The following MACROD2 variants were observed in gnomAD, a reference collection of about 807,000 sequenced individuals.
The protein encoded by MACROD2 is mono-ADP ribosylhydrolase 2, also known as ADP-ribose glycohydrolase MACROD2.
In MACROD2, 36 loss-of-function variants were observed where a neutral mutation model predicts 70.4. The ratio of observed to expected loss-of-function variants is 0.51; its 90% CI spans 0.39 to 0.68. MACROD2 has a LOEUF of 0.68. MACROD2 is among the 30% of genes least tolerant of loss of function. MACROD2 has a pLI of 0.00. For synonymous variants in MACROD2, 172 were observed against 178.8 expected (o/e 0.96, Z 0.30); for missense variants, 496 against 538.4 (o/e 0.92, Z 0.78).
rs897007173 is a variant in MACROD2, at chr20:14,380,869, C to T, written c.272-112610C>T. On this transcript the variant is annotated intron_variant, in intron 3 of 17. Coordinates refer to ENST00000684519, the MANE Select transcript of MACROD2 (RefSeq NM_001351661.2). ...ACTCCAACCTTGTTCTTTTTCAAAA[C>T]TGTTTTTCCTATTCAGGGCTCTTTT... 4.5e-4 allele frequency among the ~76,000 whole-genome samples: 68 copies of T among 152,118 alleles called. 4 individuals carry two copies. The highest frequency in any genetic ancestry group is 4.8e-5 in the African/African-American group (2 of 41,440).
At chr20:14,555,783 G>A (rs1055475930) in intron 4 of MACROD2, among the ~76,000 whole-genome samples, 6 of 151,986 alleles carry the variant, frequency 3.9e-5, no homozygotes, top group Non-Finnish European at 7.4e-5. Context: ...CTGTAAAGGC[G>A]CAAATGAAAA....
intron 5 of MACROD2, among the ~76,000 whole-genome samples, chr20:14,862,950 A>G (rs1442170574): frequency 1.3e-5 from 2 of 151,400 alleles, no homozygotes; most frequent in Non-Finnish European, 2.9e-5. Flanking sequence ...GCTGATGTGG[A>G]TGCCACGGCT....
chr20:16,008,263 C>T (rs1007357533), intron 15 of MACROD2, among the ~76,000 whole-genome samples: 2 of 152,170 alleles, frequency 1.3e-5, no homozygotes, highest in South Asian at 2.1e-4. Flanking sequence ...CTATTCCAAA[C>T]GTCTCTCACG....
rs1342120006 is a variant in MACROD2, at chr20:14,667,699, C to G, written c.302-17144C>G. Among the ~76,000 whole-genome samples, 3 of 152,116 alleles carry G rather than the reference C, an allele frequency of 2.0e-5. No individual in the cohort carries two copies. The South Asian group carries it at 6.2e-4, about 32-fold the overall frequency. ...ACATTTCGATGAGCTGCAGGATTAT[C>G]CAAGCCATAGCTTTATCCTCTCTGA... On this transcript the variant is annotated intron_variant, in intron 4 of 17. Transcript: ENST00000684519.
chr20:14,422,263 C>T (rs1256671953), intron 3 of MACROD2, among the ~76,000 whole-genome samples: 1 of 152,144 alleles, frequency 6.6e-6, no homozygotes, highest in Non-Finnish European at 1.5e-5. Flanking sequence ...TCATTTTCCA[C>T]CTATCAGCCT....
intron 6 of MACROD2, among the ~76,000 whole-genome samples, chr20:15,316,090 T>C (rs906585930): frequency 1.7e-5 from 2 of 118,688 alleles, no homozygotes; most frequent in African/African-American, 6.3e-5. Flanking sequence ...GAAGAAGTAA[T>C]AATGGCACAC....
chr20:15,262,904 A>C (rs1014532740), intron 6 of MACROD2, among the ~76,000 whole-genome samples: 2 of 151,822 alleles, frequency 1.3e-5, no homozygotes, highest in Non-Finnish European at 2.9e-5. Context: ...TTTTCTCTAT[A>C]GTGTTGTTTG....
At chr20:15,206,335 C>A (rs2076701837) in intron 5 of MACROD2, among the ~76,000 whole-genome samples, 1 of 152,080 alleles carries the variant, frequency 6.6e-6, no homozygotes, top group Non-Finnish European at 1.5e-5. Context: ...TTATGTTCTA[C>A]TTTGAAAATC....
intron 6 of MACROD2, among the ~76,000 whole-genome samples, chr20:15,309,650 TG>T (rs1477961938): frequency 6.6e-6 from 1 of 152,046 alleles, no homozygotes; most frequent in African/African-American, 2.4e-5. Context: ...AGCTATAGAG[TG>T]GAATACAATA....
chr20:15,598,849 A>G (rs1468842085), intron 8 of MACROD2, among the ~76,000 whole-genome samples: 1 of 152,204 alleles, frequency 6.6e-6, no homozygotes, highest in Non-Finnish European at 1.5e-5. Flanking sequence ...TCACATGGAA[A>G]TTCATACTAC....
rs150168274 is a variant in MACROD2, at chr20:14,927,575, A to G, written c.418+242616A>G. On this transcript the variant is annotated intron_variant, in intron 5 of 17. Transcript: ENST00000684519. ...GCTTGCTTTCACCTTCAACATTCAC[A>G]CATTTGGGTTGGCTTGGTGGCTCCA... Among the ~76,000 whole-genome samples, 492 of 152,264 alleles carry G rather than the reference A, an allele frequency of 3.2e-3. 3 individuals carry two copies. Among genetic ancestry groups the G allele is most frequent in the African/African-American group, 0.011 (466 of 41,548 alleles).
In MACROD2 at chr20:15,615,850, T is replaced by A. The variant is rs142881072; in HGVS notation, c.645+116003T>A. Among the ~76,000 whole-genome samples the A allele has an allele frequency of 1.6e-3, 238 of 152,240 alleles. 1 individual carries two copies. Among genetic ancestry groups the A allele is most frequent in the African/African-American group, 5.3e-3 (221 of 41,552 alleles). On this transcript the variant is annotated intron_variant, in intron 8 of 17. Transcript: ENST00000684519. Reference sequence around the variant, plus strand: ...GCATGAGGGAGCCCTGAGATGCACATTATGAGCTGCAGTGTAAAAGTATAA... The same window carrying A: ...GCATGAGGGAGCCCTGAGATGCACAATATGAGCTGCAGTGTAAAAGTATAA...
intron 5 of MACROD2, among the ~76,000 whole-genome samples, chr20:15,092,797 A>G (rs571373404): frequency 3.7e-4 from 56 of 152,280 alleles, no homozygotes; most frequent in African/African-American, 1.3e-3. Flanking sequence ...AAAATTCATA[A>G]TTTTTGATTT....
chr20:14,410,441 A>G (rs1015583061), intron 3 of MACROD2, among the ~76,000 whole-genome samples: 6 of 151,972 alleles, frequency 3.9e-5, no homozygotes, highest in Non-Finnish European at 8.8e-5. Flanking sequence ...TGTGTACTCA[A>G]TGTTTAGCTC....
intron 5 of MACROD2, among the ~76,000 whole-genome samples, chr20:15,147,555 AT>A (rs1250760614): frequency 2.0e-5 from 3 of 150,804 alleles, no homozygotes; most frequent in African/African-American, 7.3e-5. Context: ...GTAGCTTCTT[AT>A]CCCTTTTTGT....
intron 3 of MACROD2, among the ~76,000 whole-genome samples, chr20:14,349,370 C>T (rs1227065197): frequency 1.3e-5 from 2 of 150,236 alleles, no homozygotes; most frequent in African/African-American, 4.9e-5. Context: ...GGGTACCCAT[C>T]CCTTCAAGCA....
At chr20:14,469,758 CTG>C (rs2084505004) in intron 3 of MACROD2, among the ~76,000 whole-genome samples, 1 of 151,892 alleles carries the variant, frequency 6.6e-6, no homozygotes, top group Non-Finnish European at 1.5e-5. Context: ...AGTTCTCGTG[CTG>C]TGTTTTTCAG....
At chr20:15,511,858 A>C (rs1342110238) in intron 8 of MACROD2, among the ~76,000 whole-genome samples, 2 of 152,274 alleles carry the variant, frequency 1.3e-5, no homozygotes, top group African/African-American at 4.8e-5. Context: ...TCTAGGAAAA[A>C]TCCTTAAATC....
intron 6 of MACROD2, among the ~76,000 whole-genome samples, chr20:15,342,159 T>A (rs1039207461): frequency 6.6e-6 from 1 of 152,206 alleles, no homozygotes; most frequent in African/African-American, 2.4e-5. Context: ...TACATTATAA[T>A]GTAAATCAAT....
Sources: allele counts gnomAD v4.1 joint callset (sites outside exome capture counted in the v4.1 genomes callset), GRCh38; gene constraint gnomAD v4.1.1; transcripts MANE v1.5; gene names NCBI Gene and HGNC (gene_info 2026-07-23, HGNC 2026-07-21).